Variants in PEX7 observed in about 807,000 individuals in gnomAD.
PEX7 encodes PTS2 receptor.
PEX7 carries 34 observed loss-of-function variants against 47.5 expected under a neutral mutation model. That is an observed-to-expected ratio of 0.72 (90% confidence interval 0.54 to 0.95). The LOEUF (loss-of-function observed/expected upper bound fraction) is 0.95, where lower values mean the gene tolerates loss of function less well. PEX7 is among the 40% of genes least tolerant of loss of function. The pLI is 0.00. For missense variants in PEX7, 394 were observed against 400.3 expected, an observed-to-expected ratio of 0.98 and a Z score of 0.13; for synonymous variants, 141 against 148.8, an observed-to-expected ratio of 0.95 and a Z score of 0.38.
intron 5 of PEX7, among the ~76,000 whole-genome samples, chr6:136,857,572 G>A (rs1018812407): frequency 2.6e-5 from 4 of 152,206 alleles, no homozygotes; most frequent in Non-Finnish European, 4.4e-5. Flanking sequence ...GTTCTTTAAG[G>A]AGAGGTAATA....
chr6:136,895,994 A>G (rs1775641144), intron 8 of PEX7, among the ~76,000 whole-genome samples: 1 of 152,206 alleles, frequency 6.6e-6, no homozygotes, highest in African/African-American at 2.4e-5. Context: ...TTTTGAATAG[A>G]ATCACAGTTC....
chr6:136,905,041 T>C (rs1289545126), intron 9 of PEX7, among the ~76,000 whole-genome samples: 3 of 152,216 alleles, frequency 2.0e-5, no homozygotes, highest in African/African-American at 7.2e-5. Context: ...ACCTTTGAAG[T>C]CTTTTTTATT....
intron 5 of PEX7, among the ~76,000 whole-genome samples, chr6:136,856,866 A>G (rs1033647198): frequency 6.6e-6 from 1 of 152,036 alleles, no homozygotes; most frequent in Non-Finnish European, 1.5e-5. Flanking sequence ...TGGACCTGTA[A>G]GCTCTAACAT....
At chr6:136,823,098 C>A in intron 1 of PEX7, 3 of 985,390 alleles carry the variant, frequency 3.0e-6, no homozygotes, top group Non-Finnish European at 3.6e-6. Flanking sequence ...CCCAGGCACA[C>A]GTCCCCGTAG....
intron 3 of PEX7, among the ~76,000 whole-genome samples, chr6:136,831,940 A>G (rs565877261): frequency 2.0e-5 from 3 of 152,360 alleles, no homozygotes; most frequent in African/African-American, 7.2e-5. Flanking sequence ...ACAAGCTGTC[A>G]GTGAATCTAC....
intron 5 of PEX7, among the ~76,000 whole-genome samples, chr6:136,860,458 A>T (rs1031991391): frequency 1.4e-5 from 2 of 142,998 alleles, no homozygotes; most frequent in African/African-American, 5.3e-5. Flanking sequence ...GGTGGTGTGA[A>T]TTGAACAATG....
chr6:136,858,051 A>T (rs1033230017), intron 5 of PEX7, among the ~76,000 whole-genome samples: 4 of 152,196 alleles, frequency 2.6e-5, no homozygotes, highest in Non-Finnish European at 5.9e-5. Context: ...CCTGGGCTCA[A>T]GCAATCCTCC....
chr6:136,856,867 G>A (rs761692817), intron 5 of PEX7, among the ~76,000 whole-genome samples: 52 of 152,072 alleles, frequency 3.4e-4, no homozygotes, highest in Middle Eastern at 6.8e-3. Flanking sequence ...GGACCTGTAA[G>A]CTCTAACATA....
intron 5 of PEX7, among the ~76,000 whole-genome samples, chr6:136,861,425 A>G (rs1043536622): frequency 6.6e-6 from 1 of 152,216 alleles, no homozygotes; most frequent in African/African-American, 2.4e-5. Flanking sequence ...ATATCTTATT[A>G]GGGTGAACCC....
chr6:136,849,278 TTTG>T (rs1345931830), intron 5 of PEX7, among the ~76,000 whole-genome samples: 5 of 152,158 alleles, frequency 3.3e-5, no homozygotes, highest in African/African-American at 1.2e-4. Context: ...GTCTATCAAT[TTTG>T]TTGATCTTTT....
chr6:136,835,552 G>T (rs967467544), intron 3 of PEX7, among the ~76,000 whole-genome samples: 2 of 152,148 alleles, frequency 1.3e-5, no homozygotes, highest in Non-Finnish European at 2.9e-5. Context: ...CTCCCAAAGT[G>T]CTAGGATTAC....
At chr6:136,851,070 T>C (rs1338114622) in intron 5 of PEX7, among the ~76,000 whole-genome samples, 1 of 106,166 alleles carries the variant, frequency 9.4e-6, no homozygotes, top group Non-Finnish European at 1.9e-5. Context: ...TACATATGTA[T>C]ACATGTGCCA....
intron 8 of PEX7, 98 bp from the exon 9 acceptor site, chr6:136,898,044 G>T: frequency 4.0e-6 from 3 of 750,900 alleles, no homozygotes; most frequent in South Asian, 2.9e-5. Context: ...GAGCCTGTTT[G>T]GATAAAATCT....
At chr6:136,860,748 A>C (rs1283114460) in intron 5 of PEX7, among the ~76,000 whole-genome samples, 1 of 152,124 alleles carries the variant, frequency 6.6e-6, no homozygotes, top group East Asian at 1.9e-4. Context: ...CTTTTATTGA[A>C]GTATAATACA....
chr6:136,878,575 GT>G (rs1461928388), intron 8 of PEX7, among the ~76,000 whole-genome samples: 2 of 152,034 alleles, frequency 1.3e-5, no homozygotes, highest in African/African-American at 2.4e-5. Flanking sequence ...TTTGTCATTG[GT>G]TCTGTTTATG....
intron 8 of PEX7, among the ~76,000 whole-genome samples, chr6:136,897,237 G>A (rs969171122): frequency 4.7e-4 from 72 of 152,148 alleles, no homozygotes; most frequent in African/African-American, 1.5e-3. Flanking sequence ...CTTTCAAAGG[G>A]ATCTGTTAAA....
chr6:136,913,678 C>A lies in PEX7; in HGVS notation c.*152C>A. ...TACCCTGGAATCAGTTTTGAGGGAG[C>A]TGATAAAGACTTTAGCTGACTCGTT... On this transcript the variant is annotated 3_prime_UTR_variant, in exon 10 of 10. Coordinates refer to ENST00000318471, the MANE Select transcript of PEX7 (RefSeq NM_000288.4). The A allele has an allele frequency of 1.5e-6, 1 of 682,130 alleles. No homozygotes were observed. The highest frequency in any genetic ancestry group is 2.6e-6 in the Non-Finnish European group (1 of 379,380). 42.3% of individuals were successfully genotyped at this position (682,130 alleles called of 1,614,324 possible).
intron 5 of PEX7, 91 bp downstream of exon 5, chr6:136,846,272 G>C: frequency 1.6e-6 from 1 of 643,244 alleles, no homozygotes; most frequent in Non-Finnish European, 2.8e-6. Flanking sequence ...CTTAGCTTCA[G>C]AGAGAAAACA....
chr6:136,835,294 C>CA (rs967416606), intron 3 of PEX7, among the ~76,000 whole-genome samples: 8 of 133,736 alleles, frequency 6.0e-5, no homozygotes, highest in Non-Finnish European at 1.3e-4. Context: ...ATTTTTTTTT[C>CA]TTTTTTTTTT....
Sources: gnomAD v4.1 joint callset for allele counts (sites outside exome capture counted in the v4.1 genomes callset) on GRCh38, gnomAD v4.1.1 for gene constraint, MANE v1.5 for transcripts, NCBI Gene and HGNC (gene_info 2026-07-23, HGNC 2026-07-21) for gene names.